B4GALNT3: variants seen among roughly 807,000 people sequenced by gnomAD.
The protein encoded by B4GALNT3 is beta-1,4-N-acetyl-galactosaminyltransferase 3.
A neutral mutation model predicts 120.2 loss-of-function variants in B4GALNT3; 86 were observed. The observed-to-expected ratio is 0.72, with a 90% confidence interval of 0.60 to 0.86. The LOEUF (loss-of-function observed/expected upper bound fraction) is 0.86, where lower values mean the gene tolerates loss of function less well. Ranked by LOEUF, B4GALNT3 falls within the 40% of genes least tolerant of loss-of-function variation. The pLI is 0.00. For missense variants in B4GALNT3, 1,167 were observed against 1,298.9 expected, an observed-to-expected ratio of 0.90 and a Z score of 1.56; for synonymous variants, 518 against 510.4, an observed-to-expected ratio of 1.01 and a Z score of -0.20.
chr12:479,552 C>G (rs1946214887), intron 1 of B4GALNT3, among the ~76,000 whole-genome samples: 1 of 152,152 alleles, frequency 6.6e-6, no homozygotes, highest in Non-Finnish European at 1.5e-5. Context: ...GGGACAGGAT[C>G]TTACTTCTAA....
chr12:535,964 C>T (rs1195831468), intron 2 of B4GALNT3, among the ~76,000 whole-genome samples: 3 of 152,172 alleles, frequency 2.0e-5, no homozygotes, highest in Non-Finnish European at 4.4e-5. Flanking sequence ...GGTCCCTGCC[C>T]TCAAGAGGTC....
In B4GALNT3 at chr12:559,438, G is replaced by A; in HGVS notation, c.2888+17G>A. 1 of 1,612,318 alleles carries A rather than the reference G, an allele frequency of 6.2e-7. No homozygotes were observed. On this transcript the variant is annotated intron_variant, in intron 19 of 19. Coordinates refer to ENST00000266383, the MANE Select transcript of B4GALNT3 (RefSeq NM_173593.4). ...GCTGGACAGGTGACTGGGAAGAGGAGGGCATCCACGAGGCCTGGGAATTCC... is the reference window on the plus strand; with the variant it reads ...GCTGGACAGGTGACTGGGAAGAGGAAGGCATCCACGAGGCCTGGGAATTCC...
intron 14 of B4GALNT3, among the ~76,000 whole-genome samples, chr12:554,803 A>T (rs1947133410): frequency 6.7e-6 from 1 of 149,742 alleles, no homozygotes; most frequent in South Asian, 2.1e-4. Flanking sequence ...AAAAAAAAAA[A>T]AAAAAAAAAA....
intron 2 of B4GALNT3, 51 bp downstream of exon 2, chr12:535,320 G>A (rs369583933): frequency 2.4e-4 from 362 of 1,514,458 alleles, no homozygotes; most frequent in Non-Finnish European, 2.9e-4. Flanking sequence ...ACAAAGGTCC[G>A]CAGGTGCTCT....
rs572396805 is a variant in B4GALNT3, at chr12:544,005, G to T, written c.352-334G>T. Among the ~76,000 whole-genome samples, 7 of 129,190 alleles carry T rather than the reference G, an allele frequency of 5.4e-5. No homozygotes were observed. The South Asian group carries it at 1.3e-3, about 24-fold the overall frequency. The allele number at this position is 129,190 out of a possible 152,430, so 84.8% of individuals were successfully genotyped here. ...GCTGAGGAGCTGGGGCGGGCATGGG[G>T]TGCTCATCTTCCCGGAGCTGAGGAG... On this transcript the variant is annotated intron_variant, in intron 3 of 19. Coordinates refer to ENST00000266383, the MANE Select transcript of B4GALNT3 (RefSeq NM_173593.4).
intron 1 of B4GALNT3, among the ~76,000 whole-genome samples, chr12:521,735 C>G (rs761857106): frequency 6.6e-6 from 1 of 152,138 alleles, no homozygotes; most frequent in South Asian, 2.1e-4. Flanking sequence ...CCGCAGCGTC[C>G]GATTGCACTA....
In B4GALNT3 at chr12:460,419, C is replaced by T. The variant is rs774906715; in HGVS notation, c.43C>T (p.Pro15Ser). Residue 15 changes from proline (P) to serine (S), a missense_variant, in exon 1 of 20, where the codon CCG (proline) becomes TCG (serine). By Grantham distance (74) the Pro-to-Ser change is moderately conservative. Around this residue, in one of 3 missense-constraint regions of B4GALNT3, gnomAD observed 171 missense variants for 161.3 expected, o/e 1.06. Coordinates refer to ENST00000266383, the MANE Select transcript of B4GALNT3 (RefSeq NM_173593.4). The surrounding 1 kb of genome is among the most constrained non-coding windows in gnomAD (Gnocchi z 8.0). ...RAARPPLLLR[P>S]VKLLRRRFRL... Reference sequence around the variant, plus strand: ...CGCGCGGCCCCCGCTGCTCCTGCGCCCGGTGAAGCTGCTGCGGAGGCGCTT... The same window carrying T: ...CGCGCGGCCCCCGCTGCTCCTGCGCTCGGTGAAGCTGCTGCGGAGGCGCTT... 16 of 1,538,488 alleles carry T rather than the reference C, an allele frequency of 1.0e-5. 1 individual carries two copies. In the South Asian group the frequency reaches 1.9e-4, roughly 18 times the overall value.
intron 1 of B4GALNT3, among the ~76,000 whole-genome samples, chr12:468,661 T>C (rs1284780816): frequency 6.6e-6 from 1 of 152,244 alleles, no homozygotes; most frequent in African/African-American, 2.4e-5. Context: ...CACCTCAACA[T>C]GAAGATCTAT....
At chr12:512,845 C>A (rs1361053027) in intron 1 of B4GALNT3, among the ~76,000 whole-genome samples, 6 of 150,304 alleles carry the variant, frequency 4.0e-5, no homozygotes, top group Non-Finnish European at 5.9e-5. Context: ...CTTCCACCTT[C>A]CGCCTTCCAC....
At chr12:546,155 A>C (rs969787379) in intron 6 of B4GALNT3, among the ~76,000 whole-genome samples, 1 of 121,146 alleles carries the variant, frequency 8.3e-6, no homozygotes, top group South Asian at 3.0e-4. Context: ...AGGGAAGAGG[A>C]GGGGGGAATG....
chr12:512,614 C>G (rs1465773896), intron 1 of B4GALNT3, among the ~76,000 whole-genome samples: 1 of 141,830 alleles, frequency 7.1e-6, no homozygotes, highest in Non-Finnish European at 1.5e-5. Context: ...CCACCTTCCA[C>G]CTTCCGCCTT....
At chr12:547,614 C>G (rs528744847) in intron 7 of B4GALNT3, among the ~76,000 whole-genome samples, 16 of 152,294 alleles carry the variant, frequency 1.1e-4, no homozygotes, top group African/African-American at 3.9e-4. Context: ...GCAAGTCGGC[C>G]GGCGGAATCC....
intron 1 of B4GALNT3, among the ~76,000 whole-genome samples, chr12:468,464 T>C (rs957079127): frequency 2.0e-5 from 3 of 152,186 alleles, no homozygotes; most frequent in African/African-American, 7.2e-5. Flanking sequence ...CTGACAGATA[T>C]TGGGGACTGA....
In B4GALNT3 at chr12:558,626, G is replaced by A. The variant is rs1947188348; in HGVS notation, c.2726G>A (p.Arg909Lys). 1 of 1,614,104 alleles carries A rather than the reference G, an allele frequency of 6.2e-7. No individual in the cohort carries two copies. The highest frequency in any genetic ancestry group is 8.5e-7 in the Non-Finnish European group (1 of 1,180,002). ...ATGGCCTTTGCCCCCATGGTGATGA[G>A]GCTGCATTGTGGGGCCACCCCCCAG... ...GKMAFAPMVM[R>K]LHCGATPQWP... The change falls in exon 18 of 20, where the codon AGG becomes AAG. Residue 909 changes from arginine to lysine, a missense_variant. Coordinates refer to ENST00000266383, the MANE Select transcript of B4GALNT3 (RefSeq NM_173593.4).
At chr12:557,587 C>T in intron 15 of B4GALNT3, 21 bp from the exon 16 acceptor site, 4 of 1,598,050 alleles carry the variant, frequency 2.5e-6, no homozygotes, top group Non-Finnish European at 3.4e-6. Flanking sequence ...TTTCCTTCTC[C>T]TGCCTGACCC....
chr12:550,791 C>G lies in B4GALNT3; in HGVS notation c.998-131C>G. 2.8e-6 allele frequency: 2 copies of G among 727,222 alleles called. No homozygotes were observed. Among genetic ancestry groups the G allele is most frequent in the Non-Finnish European group, 4.5e-6 (2 of 441,406 alleles). The allele number at this position is 727,222 out of a possible 1,614,324, so 45.0% of individuals were successfully genotyped here. A position where few individuals can be genotyped will look rare whatever the true frequency, so the allele number is the denominator to read the frequency against. On this transcript the variant is annotated intron_variant, in intron 10 of 19. Coordinates refer to ENST00000266383, the MANE Select transcript of B4GALNT3 (RefSeq NM_173593.4). The surrounding 1 kb of genome is among the most constrained non-coding windows in gnomAD (Gnocchi z 4.1). ...CGTGGGGCAGCCTCCAGCTGGCAGC[C>G]TCAGCCACAGACGTCGGCAGAACAC...
At chr12:472,737 T>C (rs1946149648) in intron 1 of B4GALNT3, among the ~76,000 whole-genome samples, 1 of 152,106 alleles carries the variant, frequency 6.6e-6, no homozygotes, top group Non-Finnish European at 1.5e-5. Context: ...GCGCCCGACC[T>C]ATGCCTGCTA....
chr12:512,119 T>C, intron 1 of B4GALNT3, among the ~76,000 whole-genome samples: 1 of 107,754 alleles, frequency 9.3e-6, no homozygotes. Flanking sequence ...TTCTTCCACC[T>C]TCGAGCTTCC....
In B4GALNT3 at chr12:492,700, C is replaced by CTGAACAAAGTCAGAAGA. The variant is rs1342275704; in HGVS notation, c.169+32155_169+32156insTGAACAAAGTCAGAAGA. Among the ~76,000 whole-genome samples, 6 of 152,116 alleles carry CTGAACAAAGTCAGAAGA rather than the reference C, an allele frequency of 3.9e-5. No individual in the cohort carries two copies. In the East Asian group the frequency reaches 1.2e-3, roughly 29 times the overall value. Reference sequence around the variant, plus strand: ...GAACAAAGTCAGAAGACTGACACTACCTGAATTCAAGAGAGTACGGAGCTA... The same window carrying CTGAACAAAGTCAGAAGA: ...GAACAAAGTCAGAAGACTGACACTACTGAACAAAGTCAGAAGACTGAATTCAAGAGAGTACGGAGCTA... On this transcript the variant is annotated intron_variant, in intron 1 of 19. Coordinates refer to ENST00000266383, the MANE Select transcript of B4GALNT3 (RefSeq NM_173593.4).
Sources: allele counts gnomAD v4.1 joint callset (sites outside exome capture counted in the v4.1 genomes callset), GRCh38; gene constraint gnomAD v4.1.1; regional missense constraint gnomAD v4.1.1; non-coding constraint Gnocchi (gnomAD v3.1); transcripts MANE v1.5; gene names NCBI Gene and HGNC (gene_info 2026-07-23, HGNC 2026-07-21).